The following PAPPA variants were observed in gnomAD, a reference collection of about 807,000 sequenced individuals.
PAPPA encodes pappalysin 1.
Under a neutral mutation model 164.0 loss-of-function variants are expected in PAPPA, and 60 were observed. The observed-to-expected ratio is 0.37, with a 90% CI of 0.30 to 0.45. PAPPA has a LOEUF of 0.45. Among genes scored for constraint, PAPPA ranks in the 20% least tolerant of loss-of-function variants. The pLI, the probability that PAPPA is intolerant of heterozygous loss-of-function variation, is 1.00. For missense variants in PAPPA, 1,782 were observed against 2,087.3 expected (o/e 0.85, Z 2.85); for synonymous variants, 875 against 814.1 (o/e 1.07, Z -1.27).
At position 116,271,947 on chromosome 9, in the gene PAPPA, C is replaced by T. The variant is rs1441011994; in HGVS notation, c.2953+531C>T. The stretch of plus-strand genomic sequence containing the variant: ...CGTGATGCAGGAACCACCAAGGTCC[C>T]CTCTGCAGACTCAGAACCTTGGGCA... On this transcript the variant is annotated intron_variant, in intron 9 of 21. Transcript: ENST00000328252. This position sits in a 1 kb window ranked among gnomAD's most constrained non-coding sequence, Gnocchi z 4.2. Among the ~76,000 whole-genome samples the T allele has an allele frequency of 6.6e-6, 1 of 152,214 alleles. No homozygotes were observed. The highest frequency in any genetic ancestry group is 1.5e-5 in the Non-Finnish European group (1 of 68,048).
At chr9:116,180,955 G>C (rs979948696) in intron 1 of PAPPA, among the ~76,000 whole-genome samples, 1 of 152,196 alleles carries the variant, frequency 6.6e-6, no homozygotes, top group African/African-American at 2.4e-5. Context: ...TATTGTAGCA[G>C]ATTGCTGTGA....
chr9:116,158,302 C>G (rs535698191), intron 1 of PAPPA, among the ~76,000 whole-genome samples: 1 of 152,272 alleles, frequency 6.6e-6, no homozygotes, highest in South Asian at 2.1e-4. Context: ...ATTGCTGTAA[C>G]AGTGAAGGCT....
intron 7 of PAPPA, among the ~76,000 whole-genome samples, chr9:116,246,220 A>G (rs894764786): frequency 6.6e-6 from 1 of 152,170 alleles, no homozygotes; most frequent in Non-Finnish European, 1.5e-5. Flanking sequence ...TCTCAAACAG[A>G]TATCCTAATG....
intron 7 of PAPPA, among the ~76,000 whole-genome samples, chr9:116,252,590 C>G (rs1272143673): frequency 1.3e-5 from 2 of 152,178 alleles, no homozygotes; most frequent in Non-Finnish European, 2.9e-5. Flanking sequence ...GAGGCAGATT[C>G]AGTATCTCAA....
chr9:116,278,488 A>T (rs1349553025), intron 9 of PAPPA, among the ~76,000 whole-genome samples: 1 of 152,206 alleles, frequency 6.6e-6, no homozygotes, highest in Non-Finnish European at 1.5e-5. Flanking sequence ...GTGAATGCAC[A>T]TGTCCTTGTG....
intron 17 of PAPPA, among the ~76,000 whole-genome samples, chr9:116,357,703 G>A (rs1345366893): frequency 6.6e-6 from 1 of 152,196 alleles, no homozygotes; most frequent in Non-Finnish European, 1.5e-5. Context: ...ATGGCCCTGA[G>A]CTAGTTGATG....
chr9:116,281,428 G>C (rs1205804566), intron 9 of PAPPA, among the ~76,000 whole-genome samples: 1 of 152,048 alleles, frequency 6.6e-6, no homozygotes, highest in African/African-American at 2.4e-5. Context: ...TACCCTTAAG[G>C]GAAGAAGCCT....
Position 116,344,588 on chromosome 9 carries a change from T to C in PAPPA, c.3657T>C (p.Ala1219=). 1.2e-6 allele frequency: 2 copies of C among 1,614,164 alleles called. No individual in the cohort carries two copies. The highest frequency in any genetic ancestry group is 1.7e-6 in the Non-Finnish European group (2 of 1,180,014). ...ACEKTDCPEL[A]VENASLNCSS... is the part of the protein sequence containing the mutation. ...AGAAAACTGACTGTCCAGAGCTGGC[T>C]GTGGAGAATGCTTCTCTCAATTGCT... Residue 1219 remains alanine, a synonymous_variant, in exon 14 of 22, where the codon GCT becomes GCC. Transcript: ENST00000328252.
At chr9:116,314,382 T>C (rs185716050) in intron 10 of PAPPA, among the ~76,000 whole-genome samples, 1 of 152,278 alleles carries the variant, frequency 6.6e-6, no homozygotes, top group African/African-American at 2.4e-5. Context: ...CCAGAGATTT[T>C]TAAAATGACA....
intron 9 of PAPPA, among the ~76,000 whole-genome samples, chr9:116,273,363 C>G (rs1845159431): frequency 6.6e-6 from 1 of 152,232 alleles, no homozygotes; most frequent in South Asian, 2.1e-4. Context: ...TATTGGAACA[C>G]AGTCACACTC....
intron 19 of PAPPA, among the ~76,000 whole-genome samples, chr9:116,376,567 C>T (rs1463452868): frequency 6.6e-6 from 1 of 152,024 alleles, no homozygotes. Flanking sequence ...ATCATCATGG[C>T]AAGAAATAAA....
chr9:116,215,867 T>C (rs965581140), intron 4 of PAPPA, among the ~76,000 whole-genome samples: 1 of 152,208 alleles, frequency 6.6e-6, no homozygotes, highest in African/African-American at 2.4e-5. Context: ...GAAAGCCATA[T>C]ATATAGTGTA....
At chr9:116,261,350 CT>C (rs1844998742) in intron 7 of PAPPA, among the ~76,000 whole-genome samples, 1 of 152,048 alleles carries the variant, frequency 6.6e-6, no homozygotes, top group Admixed American at 6.5e-5. Flanking sequence ...ATTTAAGGAG[CT>C]CAGAGAGAGT....
Position 116,235,573 on chromosome 9 carries a change from C to A in PAPPA, c.2668C>A (p.Arg890=). The change falls in exon 7 of 22, where the codon CGG becomes AGG. Residue 890 remains arginine (R), a synonymous_variant. Transcript: ENST00000328252. ...TAAGCCCCTGAAGTATAAGGTGGTC[C>A]GGGACCCTCCTCTCCAGATGGATGT... is the stretch of plus-strand genomic sequence containing the variant. The part of the protein sequence containing the change: ...QCKPLKYKVV[R]DPPLQMDVAS... 6.2e-7 allele frequency: 1 copy of A among 1,613,498 alleles called. No homozygotes were observed. Among genetic ancestry groups the A allele is most frequent in the East Asian group, 2.2e-5 (1 of 44,876 alleles).
At chr9:116,180,457 A>G (rs1450231487) in intron 1 of PAPPA, among the ~76,000 whole-genome samples, 2 of 152,198 alleles carry the variant, frequency 1.3e-5, no homozygotes, top group African/African-American at 2.4e-5. Context: ...TCAAAAGAAT[A>G]CTAATAAATC....
Position 116,306,783 on chromosome 9 carries a change from T to G in PAPPA, c.3147+3833T>G, listed in dbSNP as rs148468721. Among the ~76,000 whole-genome samples, 690 of 152,248 alleles carry G rather than the reference T, an allele frequency of 4.5e-3. 2 individuals carry two copies. Among genetic ancestry groups the G allele is most frequent in the African/African-American group, 0.015 (623 of 41,500 alleles). ...GGATGCCAAAATGAGATGTTGATAT[T>G]CCTTCCTTTTACCCCGGCCTCCAGC... is the stretch of plus-strand genomic sequence containing the variant. On this transcript the variant is annotated intron_variant, in intron 10 of 21. Transcript: ENST00000328252.
At chr9:116,184,029 CAGAGAA>C (rs1237047502) in intron 1 of PAPPA, among the ~76,000 whole-genome samples, 2 of 151,958 alleles carry the variant, frequency 1.3e-5, no homozygotes, top group Non-Finnish European at 1.5e-5. Flanking sequence ...GAGAGAGAGA[CAGAGAA>C]AGAGAGAGGG....
chr9:116,177,918 C>A (rs188498951), intron 1 of PAPPA, among the ~76,000 whole-genome samples: 1 of 152,138 alleles, frequency 6.6e-6, no homozygotes, highest in Non-Finnish European at 1.5e-5. Context: ...TCCTTTCTTA[C>A]GTTGATGTGC....
chr9:116,317,661 A>G (rs1221061767), intron 10 of PAPPA, among the ~76,000 whole-genome samples: 1 of 152,176 alleles, frequency 6.6e-6, no homozygotes, highest in Non-Finnish European at 1.5e-5. Flanking sequence ...CAGAACTTAG[A>G]AGTGTTTCAG....
Sources: allele counts gnomAD v4.1 joint callset (sites outside exome capture counted in the v4.1 genomes callset), GRCh38; gene constraint gnomAD v4.1.1; non-coding constraint Gnocchi (gnomAD v3.1); transcripts MANE v1.5; gene names NCBI Gene and HGNC (gene_info 2026-07-23, HGNC 2026-07-21).